CCBE1: variants seen among roughly 807,000 people sequenced by gnomAD.
CCBE1 encodes collagen and calcium-binding EGF domain-containing protein 1.
Under a neutral mutation model 50.0 loss-of-function variants are expected in CCBE1, and 37 were observed. That is an observed-to-expected ratio of 0.74 (90% CI 0.57 to 0.97). The LOEUF (loss-of-function observed/expected upper bound fraction) is 0.97, where lower values mean the gene tolerates loss of function less well. CCBE1 is among the 50% of genes least tolerant of loss of function. CCBE1 has a pLI of 0.00. For missense variants in CCBE1, 538 were observed against 523.8 expected, an observed-to-expected ratio of 1.03 and a Z score of -0.26; for synonymous variants, 234 against 203.7, an observed-to-expected ratio of 1.15 and a Z score of -1.27.
chr18:59,578,177 T>C (rs912834718), intron 2 of CCBE1, among the ~76,000 whole-genome samples: 2 of 152,176 alleles, frequency 1.3e-5, no homozygotes, highest in African/African-American at 2.4e-5. Context: ...AAGACATTTA[T>C]GCAGCCAACA....
chr18:59,460,631 G>A (rs923576501), intron 5 of CCBE1, among the ~76,000 whole-genome samples: 3 of 152,166 alleles, frequency 2.0e-5, no homozygotes, highest in Non-Finnish European at 4.4e-5. Context: ...TTAGATGGAG[G>A]ACTAAGAAAT....
chr18:59,455,725 C>G (rs1201750409), intron 5 of CCBE1, among the ~76,000 whole-genome samples: 2 of 152,250 alleles, frequency 1.3e-5, no homozygotes, highest in Non-Finnish European at 2.9e-5. Flanking sequence ...CCTGGGTCAC[C>G]TTGCTGCTGA....
chr18:59,658,357 ATATATATATATAT>A (rs2054229597), intron 2 of CCBE1, among the ~76,000 whole-genome samples: 1 of 1,568 alleles, frequency 6.4e-4, no homozygotes, highest in Non-Finnish European at 1.0e-3. Context: ...AAAAAAAAAT[ATATATATATATAT>A]ATATATATAT....
chr18:59,643,373 A>G (rs556168885), intron 2 of CCBE1, among the ~76,000 whole-genome samples: 2 of 152,358 alleles, frequency 1.3e-5, no homozygotes, highest in South Asian at 4.1e-4. Context: ...AGTGTTTTTG[A>G]AAAGCAACTG....
intron 2 of CCBE1, among the ~76,000 whole-genome samples, chr18:59,552,430 C>T (rs537981464): frequency 6.6e-6 from 1 of 152,308 alleles, no homozygotes; most frequent in South Asian, 2.1e-4. Flanking sequence ...CTCTTGTCTC[C>T]ATCCAGCTTT....
intron 2 of CCBE1, among the ~76,000 whole-genome samples, chr18:59,689,632 A>T (rs956940951): frequency 6.6e-6 from 1 of 152,176 alleles, no homozygotes; most frequent in African/African-American, 2.4e-5. Flanking sequence ...AGAGTCAAGC[A>T]ATGTTGGAGG....
rs561840731 is a variant in CCBE1 at position 59,478,460 on chromosome 18, A to G, written c.265+1726T>C. On this transcript the variant is annotated intron_variant, in intron 3 of 10. Transcript: ENST00000439986. ...TCCCACAGATTAAAACAAACATGCT[A>G]TGAAAAGTGTTCTAGCAAAAAGCAA... 1.1e-4 allele frequency among the ~76,000 whole-genome samples: 16 copies of G among 152,380 alleles called. 1 individual carries two copies. In the South Asian group the frequency reaches 2.9e-3, roughly 28 times the overall value.
intron 2 of CCBE1, among the ~76,000 whole-genome samples, chr18:59,522,939 C>T (rs1914664837): frequency 7.3e-6 from 1 of 136,728 alleles, no homozygotes; most frequent in African/African-American, 2.9e-5. Flanking sequence ...TTGCAGTGAG[C>T]AGAGATCGCG....
intron 2 of CCBE1, among the ~76,000 whole-genome samples, chr18:59,678,099 G>A (rs879472619): frequency 6.6e-6 from 1 of 152,154 alleles, no homozygotes; most frequent in Non-Finnish European, 1.5e-5. Flanking sequence ...TGCGGTAGTC[G>A]TAAGCATGTA....
intron 2 of CCBE1, among the ~76,000 whole-genome samples, chr18:59,641,310 G>T (rs115216521): frequency 0.015 from 2,338 of 152,190 alleles, 33 homozygotes; most frequent in Middle Eastern, 0.054. Flanking sequence ...TGCAACAACA[G>T]GGATGGAGCT....
intron 2 of CCBE1, among the ~76,000 whole-genome samples, chr18:59,674,557 G>GT (rs2144716656): frequency 6.6e-6 from 1 of 152,152 alleles, no homozygotes; most frequent in South Asian, 2.1e-4. Context: ...ACCATGGCAC[G>GT]TATATACCTA....
chr18:59,504,049 C>G (rs55963416), intron 2 of CCBE1, among the ~76,000 whole-genome samples: 1 of 152,048 alleles, frequency 6.6e-6, no homozygotes, highest in Non-Finnish European at 1.5e-5. Context: ...CGAAAGTGAG[C>G]GCTGAATGTG....
chr18:59,637,380 A>G (rs779329921), intron 2 of CCBE1, among the ~76,000 whole-genome samples: 2 of 152,190 alleles, frequency 1.3e-5, no homozygotes, highest in Non-Finnish European at 2.9e-5. Context: ...GTGATAAACC[A>G]TGTTAATAGT....
chr18:59,517,905 G>C lies in CCBE1; in HGVS notation c.213-37667C>G, dbSNP rs563518666. 3.2e-4 allele frequency among the ~76,000 whole-genome samples: 49 copies of C among 152,276 alleles called. No individual in the cohort carries two copies. In the South Asian group the frequency reaches 1.0e-2, roughly 31 times the overall value. Reference sequence around the variant, plus strand: ...CTGGGGATTCCCAAGATCAAAAGAGGGATCTGTCACAAGATCATTATGTCC... The same window carrying C: ...CTGGGGATTCCCAAGATCAAAAGAGCGATCTGTCACAAGATCATTATGTCC... On this transcript the variant is annotated intron_variant, in intron 2 of 10. Transcript: ENST00000439986.
intron 2 of CCBE1, among the ~76,000 whole-genome samples, chr18:59,690,151 T>TA (rs2054710167): frequency 6.6e-6 from 1 of 152,186 alleles, no homozygotes; most frequent in African/African-American, 2.4e-5. Flanking sequence ...AGATATATTC[T>TA]AAATGTCTAG....
At position 59,483,700 on chromosome 18, in the gene CCBE1, C is replaced by G. The variant is rs151120306; in HGVS notation, c.213-3462G>C. 6.6e-5 allele frequency among the ~76,000 whole-genome samples: 10 copies of G among 152,266 alleles called. No homozygotes were observed. The East Asian group carries it at 1.7e-3, about 26-fold the overall frequency. On this transcript the variant is annotated intron_variant, in intron 2 of 10. Coordinates refer to ENST00000439986, the MANE Select transcript of CCBE1 (RefSeq NM_133459.4). ...AGAAATTCTGAAGCATAACTGGGAACAGCAACTCCACTTCATTCCTCTCCC... is the reference window on the plus strand; with the variant it reads ...AGAAATTCTGAAGCATAACTGGGAAGAGCAACTCCACTTCATTCCTCTCCC...
chr18:59,553,536 T>TA (rs1354522268), intron 2 of CCBE1, among the ~76,000 whole-genome samples: 1 of 152,234 alleles, frequency 6.6e-6, no homozygotes, highest in East Asian at 1.9e-4. Context: ...GAAATGTTGA[T>TA]AGTGCCTTTT....
chr18:59,482,692 C>T (rs1169958650), intron 2 of CCBE1, among the ~76,000 whole-genome samples: 1 of 152,068 alleles, frequency 6.6e-6, no homozygotes. Context: ...TAAAATAGCA[C>T]AACCCTGGCA....
intron 2 of CCBE1, among the ~76,000 whole-genome samples, chr18:59,598,482 T>C (rs1422907311): frequency 6.6e-6 from 1 of 152,192 alleles, no homozygotes; most frequent in Non-Finnish European, 1.5e-5. Context: ...ACACCCAGAA[T>C]GCCAGGTTTG....
Sources: gnomAD v4.1 joint callset for allele counts (sites outside exome capture counted in the v4.1 genomes callset) on GRCh38, gnomAD v4.1.1 for gene constraint, MANE v1.5 for transcripts, NCBI Gene and HGNC (gene_info 2026-07-23, HGNC 2026-07-21) for gene names.